The following VWA8 variants were observed in gnomAD, a reference collection of about 807,000 sequenced individuals.
VWA8 encodes the protein von Willebrand factor A domain containing 8.
In VWA8, 221 loss-of-function variants were observed where a neutral mutation model predicts 241.5. The ratio of observed to expected loss-of-function variants is 0.91; its 90% CI spans 0.82 to 1.02. The LOEUF (loss-of-function observed/expected upper bound fraction) is 1.02, where lower values mean the gene tolerates loss of function less well. Ranked by LOEUF, VWA8 falls within the 50% of genes least tolerant of loss-of-function variation. The probability of loss-of-function intolerance (pLI) is 0.00; values close to 1 mark genes in which losing one functional copy is unlikely to be tolerated. For missense variants in VWA8, 2,322 were observed against 2,328.7 expected (o/e 1.00, Z 0.06); for synonymous variants, 852 against 827.1 (o/e 1.03, Z -0.52).
intron 2 of VWA8, among the ~76,000 whole-genome samples, chr13:41,919,296 C>G (rs551129909): frequency 1.6e-4 from 25 of 152,256 alleles, no homozygotes; most frequent in African/African-American, 5.5e-4. Flanking sequence ...ACTACCAGCT[C>G]GCATCACTAC....
At chr13:41,625,516 T>C (rs1485073626) in intron 37 of VWA8, among the ~76,000 whole-genome samples, 2 of 152,054 alleles carry the variant, frequency 1.3e-5, no homozygotes. Context: ...GAAACGCAAA[T>C]CAAAACCACA....
At position 41,868,352 on chromosome 13, in the gene VWA8, G is replaced by A; in HGVS notation, c.1206C>T (p.Thr402=). ...VTIRIADKEV[T]IKVPAGTRLL... ...TAAACCTGTGATTAATTACCTTAAT[G>A]GTCACCTCTTTATCTGCAATCCGGA... The change falls in exon 10 of 45, where the codon ACC becomes ACT. Residue 402 remains threonine (T), a synonymous_variant. Coordinates refer to ENST00000379310, the MANE Select transcript of VWA8 (RefSeq NM_015058.2). The A allele has an allele frequency of 6.2e-7, 1 of 1,613,874 alleles. No homozygotes were observed. The highest frequency in any genetic ancestry group is 8.5e-7 in the Non-Finnish European group (1 of 1,179,938).
intron 21 of VWA8, among the ~76,000 whole-genome samples, chr13:41,735,020 A>C (rs2045514257): frequency 6.6e-6 from 1 of 152,230 alleles, no homozygotes; most frequent in Admixed American, 6.5e-5. Context: ...TTTGCTAACA[A>C]ATTAATTGTT....
intron 19 of VWA8, among the ~76,000 whole-genome samples, chr13:41,780,705 A>G (rs1868851228): frequency 6.6e-6 from 1 of 152,162 alleles, no homozygotes; most frequent in African/African-American, 2.4e-5. Context: ...TTTGTTCAAA[A>G]TCTTGTCACC....
At chr13:41,802,328 T>C (rs1869995765) in intron 17 of VWA8, among the ~76,000 whole-genome samples, 1 of 152,238 alleles carries the variant, frequency 6.6e-6, no homozygotes, top group African/African-American at 2.4e-5. Context: ...GGAATAATCA[T>C]TCATCCCAGG....
Position 41,691,382 on chromosome 13 carries a change from G to A in VWA8, c.3804C>T (p.Asn1268=), listed in dbSNP as rs1235177605. 6.2e-7 allele frequency: 1 copy of A among 1,612,870 alleles called. No individual in the cohort carries two copies. The highest frequency in any genetic ancestry group is 1.3e-5 in the African/African-American group (1 of 74,972). ...CTGCTACAAGGAAAACTGTCTTGAG[G>A]TTGATGGGAAGTGAGATGGTGTGAG... ...GRTHTISLPI[N]LKTVFLVAED... Residue 1268 remains asparagine, a synonymous_variant, in exon 32 of 45, where the codon AAC becomes AAT. Coordinates refer to ENST00000379310, the MANE Select transcript of VWA8 (RefSeq NM_015058.2).
intron 42 of VWA8, among the ~76,000 whole-genome samples, chr13:41,582,825 T>C (rs762227950): frequency 6.6e-6 from 1 of 152,148 alleles, no homozygotes; most frequent in African/African-American, 2.4e-5. Context: ...CCACTAATAG[T>C]GGTTGTACTG....
chr13:41,880,278 TCCCCCTCCCTCC>T (rs1338367778), intron 9 of VWA8, among the ~76,000 whole-genome samples: 2 of 152,092 alleles, frequency 1.3e-5, no homozygotes, highest in African/African-American at 4.8e-5. Context: ...TTAGCACATT[TCCCCCTCCCTCC>T]TACTCCCCCT....
intron 17 of VWA8, among the ~76,000 whole-genome samples, chr13:41,808,628 GAC>G (rs1870329202): frequency 6.6e-6 from 1 of 152,052 alleles, no homozygotes; most frequent in Non-Finnish European, 1.5e-5. Flanking sequence ...TTTGGGCAGG[GAC>G]ACAGATCCAA....
intron 37 of VWA8, among the ~76,000 whole-genome samples, chr13:41,615,432 T>G (rs1290338603): frequency 6.6e-6 from 1 of 152,178 alleles, no homozygotes; most frequent in Non-Finnish European, 1.5e-5. Context: ...GAGAGGGGTA[T>G]TTTGCCAGTG....
At chr13:41,603,905 C>A (rs983802289) in intron 40 of VWA8, among the ~76,000 whole-genome samples, 1 of 152,158 alleles carries the variant, frequency 6.6e-6, no homozygotes, top group African/African-American at 2.4e-5. Flanking sequence ...CGTCTCATAG[C>A]ATTGTGTGCA....
At chr13:41,632,957 C>T (rs557546483) in intron 37 of VWA8, among the ~76,000 whole-genome samples, 8 of 152,166 alleles carry the variant, frequency 5.3e-5, no homozygotes, top group South Asian at 2.1e-4. Context: ...AACTCAGGAG[C>T]GGGTAACACA....
intron 26 of VWA8, among the ~76,000 whole-genome samples, chr13:41,716,026 TTA>T (rs1236322807): frequency 1.3e-5 from 2 of 152,008 alleles, no homozygotes; most frequent in Admixed American, 1.3e-4. Context: ...CCTTATTTGG[TTA>T]TGTTTGCCTT....
intron 26 of VWA8, among the ~76,000 whole-genome samples, chr13:41,704,920 A>G (rs2045273163): frequency 6.6e-6 from 1 of 152,220 alleles, no homozygotes; most frequent in Non-Finnish European, 1.5e-5. Flanking sequence ...AATGAGTTTG[A>G]TGATCATTAA....
intron 41 of VWA8, among the ~76,000 whole-genome samples, chr13:41,588,423 C>T (rs539975397): frequency 2.0e-5 from 3 of 152,152 alleles, no homozygotes; most frequent in African/African-American, 4.8e-5. Context: ...GTTTTGCTGA[C>T]GATAAAAAAG....
chr13:41,958,489 C>T (rs919713690), intron 1 of VWA8, among the ~76,000 whole-genome samples: 12 of 152,188 alleles, frequency 7.9e-5, no homozygotes, highest in Admixed American at 7.9e-4. Flanking sequence ...AGTTACTGGT[C>T]ACATGTATGA....
chr13:41,683,891 C>T (rs17637559), intron 35 of VWA8, among the ~76,000 whole-genome samples: 1 of 152,018 alleles, frequency 6.6e-6, no homozygotes, highest in Non-Finnish European at 1.5e-5. Context: ...TGGGTGAATG[C>T]AGGTGCACTA....
intron 2 of VWA8, among the ~76,000 whole-genome samples, chr13:41,941,143 C>A (rs1877577627): frequency 6.6e-6 from 1 of 152,138 alleles, no homozygotes; most frequent in African/African-American, 2.4e-5. Flanking sequence ...GCTCCTCAGT[C>A]ATTTGCAAAA....
chr13:41,863,458 C>CATAT (rs1566485525), intron 12 of VWA8, among the ~76,000 whole-genome samples: 1 of 116,160 alleles, frequency 8.6e-6, no homozygotes, highest in African/African-American at 3.2e-5. Flanking sequence ...TATATATTCA[C>CATAT]ACACACACAC....
Sources: gnomAD v4.1 joint callset for allele counts (sites outside exome capture counted in the v4.1 genomes callset) on GRCh38, gnomAD v4.1.1 for gene constraint, MANE v1.5 for transcripts, NCBI Gene and HGNC (gene_info 2026-07-23, HGNC 2026-07-21) for gene names.